ANKRD23: variants seen among roughly 807,000 people sequenced by gnomAD.
ANKRD23 encodes the protein ankyrin repeat domain-containing protein 23.
ANKRD23 carries 52 observed loss-of-function variants against 38.1 expected under a neutral mutation model. That is an observed-to-expected ratio of 1.36 (90% confidence interval 1.09 to 1.72). The LOEUF is 1.72. ANKRD23 is among the 40% of genes most tolerant of loss of function. ANKRD23 has a pLI of 0.00. For synonymous variants in ANKRD23, 167 were observed against 162.9 expected (o/e 1.03, Z -0.19); for missense variants, 416 against 400.2 (o/e 1.04, Z -0.34).
chr2:96,839,679 C>G (rs1380887209), intron 8 of ANKRD23, 35 bp from the exon 9 acceptor site: 3 of 1,586,364 alleles, frequency 1.9e-6, no homozygotes, highest in Non-Finnish European at 2.6e-6. Context: ...CCCTTGCAGG[C>G]GCTCCACCCG....
intron 1 of ANKRD23, among the ~76,000 whole-genome samples, chr2:96,843,291 C>T (rs545031956): frequency 2.0e-5 from 3 of 152,304 alleles, no homozygotes; most frequent in East Asian, 1.9e-4. Context: ...CCAGAGGCTG[C>T]ACCAGGCTGG....
At position 96,840,511 on chromosome 2, in the gene ANKRD23, G is replaced by A. The variant is rs776961850; in HGVS notation, c.430C>T (p.His144Tyr). 1 of 1,613,738 alleles carries A rather than the reference G, an allele frequency of 6.2e-7. No homozygotes were observed. Among genetic ancestry groups the A allele is most frequent in the East Asian group, 2.2e-5 (1 of 44,882 alleles). The change falls in exon 5 of 9, where the codon CAC becomes TAC. Residue 144 changes from histidine (H) to tyrosine (Y), a missense_variant. His to Tyr is a moderately conservative substitution (Grantham distance 83, BLOSUM62 2). Coordinates refer to ENST00000318357, the MANE Select transcript of ANKRD23 (RefSeq NM_144994.8). ...GGDPNAHDKL[H>Y]RTALHWACLK... The stretch of plus-strand genomic sequence containing the variant: ...CAGGCCCAGTGCAAGGCGGTGCGGT[G>A]GAGCTGAGGGCAGAGATGGAAGATT...
At chr2:96,843,221 G>A (rs1025199527) in intron 1 of ANKRD23, among the ~76,000 whole-genome samples, 1 of 152,296 alleles carries the variant, frequency 6.6e-6, no homozygotes, top group South Asian at 2.1e-4. Context: ...TAGTCAGGTA[G>A]AACCATATTC....
In ANKRD23 at chr2:96,840,077, G is replaced by C; in HGVS notation, c.643C>G (p.His215Asp). Residue 215 changes from histidine to aspartate, a missense_variant, in exon 7 of 9, where the codon CAC becomes GAC. Coordinates refer to ENST00000318357, the MANE Select transcript of ANKRD23 (RefSeq NM_144994.8). ...ARDKIGSTPLHVAVRTRHPDC... is the reference protein window; with the variant it reads ...ARDKIGSTPLDVAVRTRHPDC... Reference sequence around the variant, plus strand: ...GGGTGCCGGGTGCGCACTGCCACGTGCAGGGGGGTGCTCCCGATCTGAGAG... The same window carrying C: ...GGGTGCCGGGTGCGCACTGCCACGTCCAGGGGGGTGCTCCCGATCTGAGAG... 1 of 1,558,710 alleles carries C rather than the reference G, an allele frequency of 6.4e-7. No homozygotes were observed. Among genetic ancestry groups the C allele is most frequent in the South Asian group, 1.2e-5 (1 of 84,580 alleles).
At position 96,838,709 on chromosome 2, in the gene ANKRD23, C is replaced by T; in HGVS notation, c.*840G>A. On this transcript the variant is annotated 3_prime_UTR_variant, in exon 9 of 9. Transcript: ENST00000318357. ...GTGGGCCACAAGCAATCCCCAGTGC[C>T]CAGGCGCTTCCCCATGAGAGCCGCC... is the stretch of plus-strand genomic sequence containing the variant. 1 of 985,660 alleles carries T rather than the reference C, an allele frequency of 1.0e-6. No homozygotes were observed. The highest frequency in any genetic ancestry group is 1.2e-6 in the Non-Finnish European group (1 of 830,090). 61.1% of individuals were successfully genotyped at this position (985,660 alleles called of 1,614,324 possible). A position where few individuals can be genotyped will look rare whatever the true frequency, so the allele number is the denominator to read the frequency against.
In ANKRD23 at chr2:96,840,422, T is replaced by G. The variant is rs777898323; in HGVS notation, c.519A>C (p.Arg173=). The change falls in exon 5 of 9, where the codon CGA becomes CGC. Residue 173 remains arginine (R), a synonymous_variant. Coordinates refer to ENST00000318357, the MANE Select transcript of ANKRD23 (RefSeq NM_144994.8). Reference sequence around the variant, plus strand: ...GGCCTTTCCCCATCCTCACCAAGTCTCGCGCGTCCACTGTGGCACCTGCCA... The same window carrying G: ...GGCCTTTCCCCATCCTCACCAAGTCGCGCGCGTCCACTGTGGCACCTGCCA... ...LLVAGATVDA[R]DLLDRTPVFW... 8 of 1,613,864 alleles carry G rather than the reference T, an allele frequency of 5.0e-6. No homozygotes were observed. In the South Asian group the frequency reaches 7.7e-5, roughly 16 times the overall value.
intron 3 of ANKRD23, among the ~76,000 whole-genome samples, chr2:96,841,456 G>A (rs1266440581): frequency 2.0e-5 from 3 of 151,852 alleles, no homozygotes; most frequent in Non-Finnish European, 4.4e-5. Flanking sequence ...AAAATTAGCC[G>A]GGCGTGGTGG....
chr2:96,839,538 C>CG lies in ANKRD23; in HGVS notation c.*10dup. 1.4e-6 allele frequency: 2 copies of CG among 1,428,618 alleles called. No individual in the cohort carries two copies. Among genetic ancestry groups the CG allele is most frequent in the Admixed American group, 5.8e-5 (2 of 34,770 alleles). 88.5% of individuals were successfully genotyped at this position (1,428,618 alleles called of 1,614,324 possible). A position where few individuals can be genotyped will look rare whatever the true frequency, so the allele number is the denominator to read the frequency against. ...GCAGTGCGAAAGGCGCGGCGGGGGG[C>CG]GGTGCTGCGGTCAGCACCGGGTGCG... is the stretch of plus-strand genomic sequence containing the variant. On this transcript the variant is annotated 3_prime_UTR_variant, in exon 9 of 9. Transcript: ENST00000318357.
intron 3 of ANKRD23, 152 bp downstream of exon 3, chr2:96,841,908 G>A (rs1275107649): frequency 1.8e-6 from 2 of 1,115,964 alleles, no homozygotes; most frequent in African/African-American, 3.1e-5. Context: ...AGCCCTGGCG[G>A]ACACATCCGC....
rs2079747828 is a variant in ANKRD23, at chr2:96,840,526, G to A, written c.427-12C>T. 3 of 1,613,270 alleles carry A rather than the reference G, an allele frequency of 1.9e-6. No individual in the cohort carries two copies. The highest frequency in any genetic ancestry group is 2.5e-6 in the Non-Finnish European group (3 of 1,179,758). ...GCGGTGCGGTGGAGCTGAGGGCAGA[G>A]ATGGAAGATTAGGCAGAGGGAGTGC... On this transcript the variant is annotated splice_polypyrimidine_tract_variant and intron_variant, in intron 4 of 8. Coordinates refer to ENST00000318357, the MANE Select transcript of ANKRD23 (RefSeq NM_144994.8).
At chr2:96,839,890 A>T in intron 7 of ANKRD23, 65 bp from the exon 8 acceptor site, 13 of 1,559,172 alleles carry the variant, frequency 8.3e-6, no homozygotes, top group Non-Finnish European at 1.0e-5. Flanking sequence ...CAGGAAGGTC[A>T]GGGCTGCTGT....
In ANKRD23 at chr2:96,843,705, G is replaced by A. The variant is rs568930939; in HGVS notation, c.27+261C>T. Among the ~76,000 whole-genome samples, 3 of 152,308 alleles carry A rather than the reference G, an allele frequency of 2.0e-5. No homozygotes were observed. The South Asian group carries it at 6.2e-4, about 32-fold the overall frequency. Reference sequence around the variant, plus strand: ...GAAAGAACCGCACGCTCAGCCGGGTGTGGGGGTACACGCCTGGAGTCCCAG... The same window carrying A: ...GAAAGAACCGCACGCTCAGCCGGGTATGGGGGTACACGCCTGGAGTCCCAG... On this transcript the variant is annotated intron_variant, in intron 1 of 8. Coordinates refer to ENST00000318357, the MANE Select transcript of ANKRD23 (RefSeq NM_144994.8).
Position 96,839,804 on chromosome 2 carries a change from C to A in ANKRD23, c.745G>T (p.Glu249Ter). 1 of 1,612,942 alleles carries A rather than the reference C, an allele frequency of 6.2e-7. No individual in the cohort carries two copies. The change falls in exon 8 of 9, where the codon GAG becomes TAG. Residue 249 changes from glutamate to a stop codon, truncating the protein, a stop_gained. Transcript: ENST00000318357. LOFTEE classifies it high-confidence loss of function. ...QDKEGDTALH[E>*]AVRHGSYKAM... Reference sequence around the variant, plus strand: ...TTGTAGCTGCCGTGCCGCACGGCCTCGTGCAGAGCCGTGTCCCCTTCCTGC... The same window carrying A: ...TTGTAGCTGCCGTGCCGCACGGCCTAGTGCAGAGCCGTGTCCCCTTCCTGC...
Position 96,840,423 on chromosome 2 carries a change from C to G in ANKRD23, c.518G>C (p.Arg173Pro). The G allele has an allele frequency of 3.1e-6, 5 of 1,614,036 alleles. No homozygotes were observed. Among genetic ancestry groups the G allele is most frequent in the Non-Finnish European group, 4.2e-6 (5 of 1,180,012 alleles). The change falls in exon 5 of 9, where the codon CGA becomes CCA. Residue 173 changes from arginine (R) to proline (P), a missense_variant. Coordinates refer to ENST00000318357, the MANE Select transcript of ANKRD23 (RefSeq NM_144994.8). ...GCCTTTCCCCATCCTCACCAAGTCT[C>G]GCGCGTCCACTGTGGCACCTGCCAC... ...LLVAGATVDA[R>P]DLLDRTPVFW...
rs2079742279 is a variant in ANKRD23, at chr2:96,840,111, G to A, written c.625-16C>T. On this transcript the variant is annotated splice_polypyrimidine_tract_variant and intron_variant, in intron 6 of 8. Coordinates refer to ENST00000318357, the MANE Select transcript of ANKRD23 (RefSeq NM_144994.8). ...TGCTCCCGATCTGAGAGCAAGTGGGGGTCAGTGCTGGGTCTGGATTGGTGA... is the reference window on the plus strand; with the variant it reads ...TGCTCCCGATCTGAGAGCAAGTGGGAGTCAGTGCTGGGTCTGGATTGGTGA... 6.4e-7 allele frequency: 1 copy of A among 1,550,754 alleles called. No individual in the cohort carries two copies. Among genetic ancestry groups the A allele is most frequent in the Non-Finnish European group, 8.7e-7 (1 of 1,146,682 alleles).
At position 96,840,833 on chromosome 2, in the gene ANKRD23, A is replaced by G. The variant is rs201808510; in HGVS notation, c.380T>C (p.Ile127Thr). 1.7e-4 allele frequency: 272 copies of G among 1,614,168 alleles called. No homozygotes were observed. The highest frequency in any genetic ancestry group is 2.2e-4 in the Non-Finnish European group (256 of 1,180,030). Reference sequence around the variant, plus strand: ...CCCTCCGTCTGTCAAGTACTTGTCAATCAGGTACTCCTGGTTCTCAGCAGC... The same window carrying G: ...CCCTCCGTCTGTCAAGTACTTGTCAGTCAGGTACTCCTGGTTCTCAGCAGC... ...KAAAENQEYLIDKYLTDGGDP... is the reference protein window; with the variant it reads ...KAAAENQEYLTDKYLTDGGDP... Residue 127 changes from isoleucine to threonine, a missense_variant, in exon 4 of 9, where the codon ATT becomes ACT. Physicochemically the swap from Ile to Thr is moderately conservative, Grantham distance 89. Coordinates refer to ENST00000318357, the MANE Select transcript of ANKRD23 (RefSeq NM_144994.8).
chr2:96,839,580 G>A lies in ANKRD23; in HGVS notation c.887C>T (p.Ala296Val), dbSNP rs1449508576. 2 of 1,475,450 alleles carry A rather than the reference G, an allele frequency of 1.4e-6. No individual in the cohort carries two copies. Among genetic ancestry groups the A allele is most frequent in the African/African-American group, 1.4e-5 (1 of 70,984 alleles). The allele number at this position is 1,475,450 out of a possible 1,614,324, so 91.4% of individuals were successfully genotyped here. A position where few individuals can be genotyped will look rare whatever the true frequency, so the allele number is the denominator to read the frequency against. Reference sequence around the variant, plus strand: ...CCGGGTGCGGGGATGCGCCACGTGGGCCTGCAGGGCCTCCCGGATGCCGCG... The same window carrying A: ...CCGGGTGCGGGGATGCGCCACGTGGACCTGCAGGGCCTCCCGGATGCCGCG... ...WQRGIREALQAHVAHPRTRC is the reference protein window; with the variant it reads ...WQRGIREALQVHVAHPRTRC Residue 296 changes from alanine to valine, a missense_variant, in exon 9 of 9, where the codon GCC becomes GTC. Ala to Val is a moderately conservative substitution (Grantham distance 64). Transcript: ENST00000318357.
In ANKRD23 at chr2:96,839,050, C is replaced by A; in HGVS notation, c.*499G>T. 1 of 986,566 alleles carries A rather than the reference C, an allele frequency of 1.0e-6. No individual in the cohort carries two copies. Among genetic ancestry groups the A allele is most frequent in the South Asian group, 4.7e-5 (1 of 21,314 alleles). 61.1% of individuals were successfully genotyped at this position (986,566 alleles called of 1,614,324 possible). On this transcript the variant is annotated 3_prime_UTR_variant, in exon 9 of 9. Transcript: ENST00000318357. ...CACCAGCTGCAGACAGGCCCGGCCC[C>A]TGCATGGCCTGCCTTGGCTGCACCT...
Position 96,843,981 on chromosome 2 carries a change from G to C in ANKRD23, c.12C>G (p.Ile4Met), listed in dbSNP as rs754966610. The change falls in exon 1 of 9, where the codon ATC (isoleucine) becomes ATG (methionine). Residue 4 changes from isoleucine to methionine, a missense_variant. Ile to Met is a conservative substitution (Grantham distance 10, BLOSUM62 1). Transcript: ENST00000318357. ...ACATCCTTACCAACTGCTGAATGCT[G>C]ATGAAGTCCATGGTCCCCCCTGTTC... is the stretch of plus-strand genomic sequence containing the variant. MDFISIQQLVSGER... is the reference protein window; with the variant it reads MDFMSIQQLVSGER... 1.9e-6 allele frequency: 3 copies of C among 1,609,688 alleles called. No homozygotes were observed. Among genetic ancestry groups the C allele is most frequent in the Non-Finnish European group, 1.7e-6 (2 of 1,178,230 alleles).
Sources: gnomAD v4.1 joint callset for allele counts (sites outside exome capture counted in the v4.1 genomes callset) on GRCh38, gnomAD v4.1.1 for gene constraint, MANE v1.5 for transcripts, NCBI Gene and HGNC (gene_info 2026-07-23, HGNC 2026-07-21) for gene names.